SIN3B: variants seen among roughly 807,000 people sequenced by gnomAD.
The protein encoded by SIN3B is SIN3 transcription regulator family member B, also known as paired amphipathic helix protein Sin3b.
In SIN3B, 19 loss-of-function variants were observed where a neutral mutation model predicts 120.2. The observed-to-expected ratio is 0.16, with a 90% CI of 0.11 to 0.23. The LOEUF (loss-of-function observed/expected upper bound fraction) is 0.23. SIN3B is among the 10% of genes least tolerant of loss of function. The pLI is 1.00. For synonymous variants in SIN3B, 654 were observed against 653.2 expected (o/e 1.00, Z -0.02); for missense variants, 1,073 against 1,573.0 (o/e 0.68, Z 5.38).
rs950764781 is a variant in SIN3B, at chr19:16,862,267, T to C, written c.1059-85T>C. The C allele has an allele frequency of 5.8e-6, 6 of 1,039,764 alleles. No homozygotes were observed. The African/African-American group carries it at 6.3e-5, about 11-fold the overall frequency. The allele number at this position is 1,039,764 out of a possible 1,614,324, so 64.4% of individuals were successfully genotyped here. A position where few individuals can be genotyped will look rare whatever the true frequency, so the allele number is the denominator to read the frequency against. On this transcript the variant is annotated intron_variant, in intron 8 of 18. Coordinates refer to ENST00000248054, the MANE Select transcript of SIN3B (RefSeq NM_001297595.2). This position sits in a 1 kb window ranked among gnomAD's most constrained non-coding sequence, Gnocchi z 4.7. ...TTCTGACTCTGTTTAACTTGTAATG[T>C]CCACATGAAGCCATTCTAAAATCTC...
chr19:16,854,014 C>A, intron 7 of SIN3B, 129 bp from the exon 8 acceptor site: 1 of 658,108 alleles, frequency 1.5e-6, no homozygotes, highest in Non-Finnish European at 2.6e-6. Flanking sequence ...AATTGCAGCA[C>A]AGATATCATT....
At chr19:16,832,794 G>T (rs1379264112) in intron 3 of SIN3B, among the ~76,000 whole-genome samples, 1 of 152,112 alleles carries the variant, frequency 6.6e-6, no homozygotes, top group African/African-American at 2.4e-5. Flanking sequence ...GTGAGCCACT[G>T]TGCCTGGCTC....
chr19:16,849,684 G>T (rs1156258188), intron 5 of SIN3B, among the ~76,000 whole-genome samples: 2 of 152,200 alleles, frequency 1.3e-5, no homozygotes, highest in African/African-American at 4.8e-5. Flanking sequence ...TGCTTGGTGA[G>T]CTTGGCTGGA....
In SIN3B at chr19:16,878,236, G is replaced by C. The variant is rs776669770; in HGVS notation, c.3008G>C (p.Arg1003Pro). ...CAGAGCGAGCAGGCGCGGGCCCTGCGCGGTGAGGCCAGGAGCTCCTGGAAG... is the reference window on the plus strand; with the variant it reads ...CAGAGCGAGCAGGCGCGGGCCCTGCCCGGTGAGGCCAGGAGCTCCTGGAAG... Reference protein sequence around the residue: ...RWQSEQARALRGEARSSWKRL... With the variant: ...RWQSEQARALPGEARSSWKRL... Residue 1003 changes from arginine (R) to proline (P), a missense_variant, in exon 18 of 19, where the codon CGC becomes CCC. Arg to Pro is a moderately radical substitution (Grantham distance 103). Transcript: ENST00000248054. 6.3e-7 allele frequency: 1 copy of C among 1,599,050 alleles called. No individual in the cohort carries two copies. The highest frequency in any genetic ancestry group is 8.5e-7 in the Non-Finnish European group (1 of 1,173,034).
chr19:16,844,576 G>C (rs1971457225), intron 4 of SIN3B, among the ~76,000 whole-genome samples: 2 of 152,176 alleles, frequency 1.3e-5, no homozygotes, highest in Admixed American at 6.5e-5. Flanking sequence ...CCTAACATAA[G>C]TGGGACCCTA....
Position 16,876,245 on chromosome 19 carries a change from G to C in SIN3B, c.2766+17G>C. ...TGCTTCAAGGTGAGAGGAGGCCTGG[G>C]GCTGGGAACACGCCGGGAGGCCCGG... On this transcript the variant is annotated intron_variant, in intron 15 of 18. Coordinates refer to ENST00000248054, the MANE Select transcript of SIN3B (RefSeq NM_001297595.2). This position sits in a 1 kb window ranked among gnomAD's most constrained non-coding sequence, Gnocchi z 7.1. 1 of 1,601,982 alleles carries C rather than the reference G, an allele frequency of 6.2e-7. No individual in the cohort carries two copies. Among genetic ancestry groups the C allele is most frequent in the Non-Finnish European group, 8.5e-7 (1 of 1,171,940 alleles).
rs559910053 is a variant in SIN3B at position 16,858,757 on chromosome 19, G to A, written c.1059-3595G>A. 1.5e-4 allele frequency among the ~76,000 whole-genome samples: 23 copies of A among 152,010 alleles called. No individual in the cohort carries two copies. In the East Asian group the frequency reaches 3.7e-3, roughly 24 times the overall value. ...CTGAGGTCAGGAGTTCAAGACCAGC[G>A]TAACCAATATGGTGAAACCCCTTCT... On this transcript the variant is annotated intron_variant, in intron 8 of 18. Coordinates refer to ENST00000248054, the MANE Select transcript of SIN3B (RefSeq NM_001297595.2).
chr19:16,840,224 A>C (rs1335780838), intron 3 of SIN3B, among the ~76,000 whole-genome samples: 1 of 152,030 alleles, frequency 6.6e-6, no homozygotes, highest in African/African-American at 2.4e-5. Context: ...GTATTTGGAG[A>C]TGGAGCCTTT....
intron 4 of SIN3B, among the ~76,000 whole-genome samples, 176 bp from the exon 5 acceptor site, chr19:16,846,794 G>A (rs1175787378): frequency 6.6e-6 from 1 of 152,098 alleles, no homozygotes; most frequent in Non-Finnish European, 1.5e-5. Context: ...CCCATGGCCG[G>A]GGCTCAGGCC....
At chr19:16,873,779 C>A (rs1431166191) in intron 14 of SIN3B, among the ~76,000 whole-genome samples, 1 of 152,274 alleles carries the variant, frequency 6.6e-6, no homozygotes, top group African/African-American at 2.4e-5. Context: ...CACACCCCAG[C>A]TGCATCTCCC....
chr19:16,854,293 G>A, intron 8 of SIN3B, 32 bp downstream of exon 8: 2 of 1,449,370 alleles, frequency 1.4e-6, no homozygotes, highest in South Asian at 1.2e-5. Context: ...GCTCCCTAGG[G>A]GGGTTCTGTT....
Position 16,855,379 on chromosome 19 carries a change from C to CG in SIN3B, c.1058+1118_1058+1119insG, listed in dbSNP as rs912214415. Reference sequence around the variant, plus strand: ...CCTCTGGGAGAAACCTTCCCCCCCCCCCCCCCAGCAAAATTCCCTGGAGAT... The same window carrying CG: ...CCTCTGGGAGAAACCTTCCCCCCCCCGCCCCCCAGCAAAATTCCCTGGAGAT... On this transcript the variant is annotated intron_variant, in intron 8 of 18. Transcript: ENST00000248054. The CG allele has an allele frequency of 1.7e-5, 2 of 117,432 alleles. 1 individual carries two copies. Among genetic ancestry groups the CG allele is most frequent in the Non-Finnish European group, 3.8e-5 (2 of 53,324 alleles). The allele number at this position is 117,432 out of a possible 1,614,324, so 7.3% of individuals were successfully genotyped here.
chr19:16,855,375 C>G (rs896328422), intron 8 of SIN3B: 3 of 107,802 alleles, frequency 2.8e-5, no homozygotes, highest in Non-Finnish European at 4.1e-5. Flanking sequence ...AACCTTCCCC[C>G]CCCCCCCCCC....
chr19:16,846,894 G>A, intron 4 of SIN3B, 76 bp from the exon 5 acceptor site: 1 of 1,497,134 alleles, frequency 6.7e-7, no homozygotes, highest in Non-Finnish European at 9.2e-7. Flanking sequence ...TTCACGGAGG[G>A]CTGCCTGAGT....
Position 16,829,968 on chromosome 19 carries a change from TCCCCTCTCCAGCCTG to T in SIN3B, c.227+76_227+90del. 4.9e-6 allele frequency: 5 copies of T among 1,016,634 alleles called. No individual in the cohort carries two copies. The East Asian group carries it at 1.2e-4, about 25-fold the overall frequency. 63.0% of individuals were successfully genotyped at this position (1,016,634 alleles called of 1,614,324 possible). A position where few individuals can be genotyped will look rare whatever the true frequency, so the allele number is the denominator to read the frequency against. On this transcript the variant is annotated intron_variant, in intron 2 of 18. Transcript: ENST00000248054. The stretch of plus-strand genomic sequence containing the variant: ...GAATCGGGCCTAGCGGGGTGAGACC[TCCCCTCTCCAGCCTG>T]CCCCCTTAGCCGGGTGACCTTGCGC...
intron 14 of SIN3B, among the ~76,000 whole-genome samples, chr19:16,875,333 T>C (rs1318588806): frequency 2.0e-5 from 3 of 147,316 alleles, no homozygotes; most frequent in African/African-American, 7.6e-5. Flanking sequence ...TTGGGTCTGG[T>C]CTGGTTTGGT....
chr19:16,857,865 CTCTTTTCTTT>C (rs555825911), intron 8 of SIN3B, among the ~76,000 whole-genome samples: 2,967 of 152,124 alleles, frequency 0.02, 36 homozygotes, highest in Non-Finnish European at 0.028. Flanking sequence ...CTTTTCTCTT[CTCTTTTCTTT>C]TCTTTTCTTT....
At chr19:16,873,048 G>A (rs1013516561) in intron 14 of SIN3B, among the ~76,000 whole-genome samples, 10 of 152,008 alleles carry the variant, frequency 6.6e-5, no homozygotes, top group Admixed American at 5.2e-4. Context: ...TGGGTCACTC[G>A]TACCAGTGCT....
In SIN3B at chr19:16,876,079, G is replaced by T. The variant is rs143316883; in HGVS notation, c.2617G>T (p.Val873Phe). The T allele has an allele frequency of 6.3e-7, 1 of 1,577,190 alleles. No individual in the cohort carries two copies. Among genetic ancestry groups the T allele is most frequent in the South Asian group, 1.2e-5 (1 of 86,160 alleles). ...RQLHHLVSDDVCLKVVELYLN... is the reference protein window; with the variant it reads ...RQLHHLVSDDFCLKVVELYLN... ...GCTGCACCACCTCGTGAGCGATGAC[G>T]TCTGCCTGAAGGTGGTGGAGCTCTA... Residue 873 changes from valine to phenylalanine, a missense_variant, in exon 15 of 19, where the codon GTC becomes TTC. Transcript: ENST00000248054. This position sits in a 1 kb window ranked among gnomAD's most constrained non-coding sequence, Gnocchi z 7.1.
Sources: gnomAD v4.1 joint callset for allele counts (sites outside exome capture counted in the v4.1 genomes callset) on GRCh38, gnomAD v4.1.1 for gene constraint, Gnocchi (gnomAD v3.1) non-coding constraint, MANE v1.5 for transcripts, NCBI Gene and HGNC (gene_info 2026-07-23, HGNC 2026-07-21) for gene names.